The following MKLN1 variants were observed in gnomAD, a reference collection of about 807,000 sequenced individuals.
The protein encoded by MKLN1 is muskelin 1.
A neutral mutation model predicts 99.0 loss-of-function variants in MKLN1; 18 were observed. The ratio of observed to expected loss-of-function variants is 0.18; its 90% confidence interval spans 0.13 to 0.27. The LOEUF is 0.27. Ranked by LOEUF, MKLN1 falls within the 10% of genes least tolerant of loss-of-function variation. The pLI is 1.00. For synonymous variants in MKLN1, 288 were observed against 293.2 expected (o/e 0.98, Z 0.18); for missense variants, 621 against 875.9 (o/e 0.71, Z 3.67).
At chr7:131,168,691 ATGTATATTTT>A (rs1796171708) in intron 2 of MKLN1, among the ~76,000 whole-genome samples, 1 of 126,318 alleles carries the variant, frequency 7.9e-6, no homozygotes. Context: ...TTAAGCCTTT[ATGTATATTTT>A]CTTTATGTAT....
In MKLN1 at chr7:131,472,602, GT is replaced by G. The variant is rs1348090786; in HGVS notation, c.2031+1659del. On this transcript the variant is annotated intron_variant, in intron 16 of 17. Transcript: ENST00000352689. ...GAAATGTTGAAGTGTGTATGTGTGTGTGTGTGTGTGTGTGTGTGTGTGTTGG... is the reference window on the plus strand; with the variant it reads ...GAAATGTTGAAGTGTGTATGTGTGTGGTGTGTGTGTGTGTGTGTGTGTTGG... Among the ~76,000 whole-genome samples, 44 of 151,432 alleles carry G rather than the reference GT, an allele frequency of 2.9e-4. 1 individual carries two copies. Among genetic ancestry groups the G allele is most frequent in the African/African-American group, 9.7e-4 (40 of 41,338 alleles).
rs1391152643 is a variant in MKLN1 at position 131,487,848 on chromosome 7, G to C, written c.*120G>C. ...TGAGGACTGCACCAGAGTTCTGAAG[G>C]GATCTTAACCATCACAAGTTTTTAC... On this transcript the variant is annotated 3_prime_UTR_variant, in exon 18 of 18. Coordinates refer to ENST00000352689, the MANE Select transcript of MKLN1 (RefSeq NM_013255.5). The surrounding 1 kb of genome is among the most constrained non-coding windows in gnomAD (Gnocchi z 4.7). 4 of 1,216,244 alleles carry C rather than the reference G, an allele frequency of 3.3e-6. No individual in the cohort carries two copies. 75.3% of individuals were successfully genotyped at this position (1,216,244 alleles called of 1,614,324 possible). A position where few individuals can be genotyped will look rare whatever the true frequency, so the allele number is the denominator to read the frequency against.
At chr7:131,175,030 AG>A (rs1796274254) in intron 2 of MKLN1, among the ~76,000 whole-genome samples, 3 of 148,244 alleles carry the variant, frequency 2.0e-5, no homozygotes, top group African/African-American at 7.5e-5. Context: ...ATAGATAGGC[AG>A]ATGGATGGAT....
chr7:131,116,692 C>A (rs1166353971), intron 1 of MKLN1, among the ~76,000 whole-genome samples: 1 of 150,974 alleles, frequency 6.6e-6, no homozygotes, highest in Non-Finnish European at 1.5e-5. Context: ...AAAAAAAAAA[C>A]CTTTAAAACT....
In MKLN1 at chr7:131,133,820, G is replaced by GTTT. The variant is rs1563226583; in HGVS notation, c.-418-8976_-418-8974dup. Among the ~76,000 whole-genome samples the GTTT allele has an allele frequency of 1.4e-3, 34 of 24,072 alleles. 1 individual carries two copies. The highest frequency in any genetic ancestry group is 2.0e-3 in the African/African-American group (13 of 6,652). 15.8% of individuals were successfully genotyped at this position (24,072 alleles called of 152,430 possible). The stretch of plus-strand genomic sequence containing the variant: ...CTTCTTTTTTTTTTTTTTTAATTTG[G>GTTT]TTTTTTTTTTTTTTTTTTTTTTTTT... On this transcript the variant is annotated intron_variant, in intron 1 of 7. Coordinates refer to the MKLN1 transcript ENST00000416992.
At chr7:131,477,220 A>G (rs1262471092) in intron 16 of MKLN1, among the ~76,000 whole-genome samples, 1 of 152,138 alleles carries the variant, frequency 6.6e-6, no homozygotes, top group African/African-American at 2.4e-5. Context: ...ACTTCAAAAA[A>G]GTTAAAATTT....
intron 3 of MKLN1, among the ~76,000 whole-genome samples, chr7:131,273,716 C>T (rs772017764): frequency 7.9e-5 from 12 of 151,446 alleles, no homozygotes; most frequent in Non-Finnish European, 1.6e-4. Context: ...CTTTGACTTC[C>T]TAGGCTCAAG....
chr7:131,235,878 A>G (rs1797314337), intron 3 of MKLN1, among the ~76,000 whole-genome samples: 1 of 152,238 alleles, frequency 6.6e-6, no homozygotes, highest in Non-Finnish European at 1.5e-5. Context: ...GTCAGAAGCC[A>G]CAAGCTAACA....
intron 1 of MKLN1, among the ~76,000 whole-genome samples, chr7:131,136,157 T>C (rs1012881357): frequency 2.6e-5 from 4 of 151,964 alleles, no homozygotes; most frequent in Non-Finnish European, 4.4e-5. Flanking sequence ...GGGACTTGGG[T>C]GTAGGATTTT....
In MKLN1 at chr7:131,476,273, A is replaced by G. The variant is rs548590803; in HGVS notation, c.2032-2350A>G. 3.9e-5 allele frequency among the ~76,000 whole-genome samples: 6 copies of G among 152,300 alleles called. 1 individual carries two copies. In the East Asian group the frequency reaches 5.8e-4, roughly 15 times the overall value. ...TGTATATTATTAGCCCCTCTATTCA[A>G]CATTCTACCAGAATTACACTAGCTA... On this transcript the variant is annotated intron_variant, in intron 16 of 17. Coordinates refer to ENST00000352689, the MANE Select transcript of MKLN1 (RefSeq NM_013255.5).
intron 1 of MKLN1, among the ~76,000 whole-genome samples, chr7:131,134,060 C>T (rs1411542972): frequency 2.0e-5 from 3 of 151,350 alleles, no homozygotes; most frequent in African/African-American, 7.3e-5. Context: ...GAACTCCTGA[C>T]CTCAGTTGAT....
At chr7:131,155,208 C>T (rs1329877190) in intron 2 of MKLN1, among the ~76,000 whole-genome samples, 3 of 152,092 alleles carry the variant, frequency 2.0e-5, no homozygotes, top group Non-Finnish European at 4.4e-5. Flanking sequence ...GAAAATCCTG[C>T]GAAGTGCTCC....
intron 1 of MKLN1, among the ~76,000 whole-genome samples, chr7:131,342,284 A>G (rs1404476653): frequency 1.3e-5 from 2 of 152,166 alleles, no homozygotes; most frequent in Non-Finnish European, 2.9e-5. Context: ...TATTACTTTG[A>G]GAATTTTCTG....
chr7:131,479,548 C>T (rs985355552), intron 17 of MKLN1, among the ~76,000 whole-genome samples: 4 of 149,322 alleles, frequency 2.7e-5, no homozygotes, highest in Admixed American at 1.3e-4. Flanking sequence ...AAAAATAGGC[C>T]GGGCGTGGTG....
intron 3 of MKLN1, among the ~76,000 whole-genome samples, chr7:131,263,346 T>TAA (rs1554544033): frequency 6.2e-4 from 80 of 128,146 alleles, no homozygotes; most frequent in African/African-American, 1.8e-3. Flanking sequence ...TCTACAATTA[T>TAA]TAATAATAAT....
intron 3 of MKLN1, among the ~76,000 whole-genome samples, chr7:131,303,791 T>G (rs1652884691): frequency 6.6e-6 from 1 of 152,232 alleles, no homozygotes; most frequent in South Asian, 2.1e-4. Flanking sequence ...TGAGAAGTGT[T>G]CAATGTGAAT....
At chr7:131,449,641 T>C (rs1349679184) in intron 12 of MKLN1, among the ~76,000 whole-genome samples, 1 of 150,926 alleles carries the variant, frequency 6.6e-6, no homozygotes, top group Non-Finnish European at 1.5e-5. Flanking sequence ...AATTATTCTC[T>C]TTTTTTCTGT....
intron 1 of MKLN1, among the ~76,000 whole-genome samples, chr7:131,362,663 C>A (rs1309168084): frequency 3.3e-5 from 5 of 151,850 alleles, no homozygotes; most frequent in Non-Finnish European, 7.4e-5. Context: ...TCTTTTGTAT[C>A]TGTTTCATTA....
In MKLN1 at chr7:131,336,951, T is replaced by G. The variant is rs1799267272; in HGVS notation, c.98+8954T>G. Among the ~76,000 whole-genome samples the G allele has an allele frequency of 1.3e-5, 2 of 152,194 alleles. 1 individual carries two copies. Among genetic ancestry groups the G allele is most frequent in the South Asian group, 4.1e-4 (2 of 4,832 alleles). ...CAGTTTTTGCTTGTTTGAAATTTAT[T>G]TATTTTCATCTTTGAAGAATATATT... On this transcript the variant is annotated intron_variant, in intron 1 of 17. Transcript: ENST00000352689.
Sources: gnomAD v4.1 joint callset for allele counts (sites outside exome capture counted in the v4.1 genomes callset) on GRCh38, gnomAD v4.1.1 for gene constraint, Gnocchi (gnomAD v3.1) non-coding constraint, MANE v1.5 for transcripts, NCBI Gene and HGNC (gene_info 2026-07-23, HGNC 2026-07-21) for gene names.